Variants in CD36 observed in about 807,000 individuals in gnomAD.
The protein encoded by CD36 is CD36 molecule (CD36 blood group).
CD36 carries 119 observed loss-of-function variants against 55.2 expected under a neutral mutation model. That is an observed-to-expected ratio of 2.15 (90% CI 1.86 to 2.51). The LOEUF (loss-of-function observed/expected upper bound fraction) is 2.51, where lower values mean the gene tolerates loss of function less well. Among genes scored for constraint, CD36 ranks in the 30% most tolerant of loss-of-function variants. The pLI, the probability that CD36 is intolerant of heterozygous loss-of-function variation, is 0.00. For synonymous variants in CD36, 186 were observed against 193.6 expected (o/e 0.96, Z 0.33); for missense variants, 819 against 555.5 (o/e 1.47, Z -4.77).
At chr7:80,654,909 A>G (rs1216876331) in intron 3 of CD36, among the ~76,000 whole-genome samples, 2 of 150,322 alleles carry the variant, frequency 1.3e-5, no homozygotes, top group African/African-American at 4.9e-5. Flanking sequence ...CAGTCATAGC[A>G]TGGTGTAAAG....
At chr7:80,639,362 T>C (rs553511842) in intron 1 of CD36, among the ~76,000 whole-genome samples, 3 of 152,132 alleles carry the variant, frequency 2.0e-5, no homozygotes, top group African/African-American at 7.2e-5. Flanking sequence ...CAAAGTATAT[T>C]ACTTTTAAAT....
intron 3 of CD36, chr7:80,647,236 G>C (rs1427276644): frequency 3.8e-6 from 1 of 266,562 alleles, no homozygotes; most frequent in Non-Finnish European, 7.4e-6. Flanking sequence ...TTGCACTTTA[G>C]TTAATACTGA....
chr7:80,647,502 C>A (rs1424889124), intron 3 of CD36, among the ~76,000 whole-genome samples: 1 of 152,036 alleles, frequency 6.6e-6, no homozygotes. Context: ...TGTGAAAAAA[C>A]AGAATGATTG....
At chr7:80,672,108 C>T in intron 11 of CD36, 68 bp downstream of exon 11, 1 of 1,226,086 alleles carries the variant, frequency 8.2e-7, no homozygotes, top group Non-Finnish European at 1.2e-6. Flanking sequence ...TAAAAATAAT[C>T]TTGTCGATGA....
At chr7:80,651,390 A>G (rs1278768742) in intron 3 of CD36, among the ~76,000 whole-genome samples, 1 of 152,150 alleles carries the variant, frequency 6.6e-6, no homozygotes, top group African/African-American at 2.4e-5. Context: ...ACCCTAAAAT[A>G]AAAGTTGGAA....
At chr7:80,628,825 G>C (rs1793898347) in intron 1 of CD36, among the ~76,000 whole-genome samples, 1 of 152,144 alleles carries the variant, frequency 6.6e-6, no homozygotes, top group African/African-American at 2.4e-5. Context: ...AGTCTGGAAA[G>C]GTGAGACAAC....
intron 3 of CD36, among the ~76,000 whole-genome samples, chr7:80,655,864 G>A (rs1437526582): frequency 6.6e-6 from 1 of 151,214 alleles, no homozygotes; most frequent in African/African-American, 2.4e-5. Context: ...AAGGCTGCAA[G>A]GAGCCAAGAT....
At chr7:80,653,245 T>C (rs985730530) in intron 3 of CD36, among the ~76,000 whole-genome samples, 1 of 152,220 alleles carries the variant, frequency 6.6e-6, no homozygotes, top group African/African-American at 2.4e-5. Context: ...GGTAGAAATG[T>C]GTAAAGTCCT....
intron 1 of CD36, among the ~76,000 whole-genome samples, chr7:80,617,712 G>A (rs1363085986): frequency 7.6e-6 from 1 of 132,128 alleles, no homozygotes. Flanking sequence ...GAACGACAGA[G>A]CGAGACTGTG....
At chr7:80,672,726 A>C (rs1412734255) in intron 11 of CD36, 44 bp from the exon 12 acceptor site, 1 of 1,320,850 alleles carries the variant, frequency 7.6e-7, no homozygotes, top group Non-Finnish European at 1.1e-6. Flanking sequence ...AGTATAAAAT[A>C]ATGTTTTTAA....
chr7:80,633,672 C>T (rs1794219382), upstream of CD36, among the ~76,000 whole-genome samples: 1 of 151,958 alleles, frequency 6.6e-6, no homozygotes, highest in Admixed American at 6.6e-5. Context: ...TACTTTAATA[C>T]TTCTATAAGT....
rs144805319 is a variant in CD36, at chr7:80,652,775, AG to A, written c.121-3764del. Among the ~76,000 whole-genome samples the A allele has an allele frequency of 8.3e-3, 1,266 of 152,316 alleles. 55 individuals are homozygous for A. In the East Asian group the frequency reaches 0.1, roughly 12 times the overall value. The stretch of plus-strand genomic sequence containing the variant: ...CCAAGCAATTAAAGCAGAATGGAGA[AG>A]TAAATGGTATTAGAGTTCTTCCTCT... On this transcript the variant is annotated intron_variant, in intron 3 of 14. Transcript: ENST00000447544.
At chr7:80,604,157 A>G (rs1042958485) in intron 1 of CD36, among the ~76,000 whole-genome samples, 3 of 152,034 alleles carry the variant, frequency 2.0e-5, no homozygotes, top group African/African-American at 7.2e-5. Flanking sequence ...TTGGGTTTCC[A>G]TATCATGTGA....
chr7:80,649,457 C>G (rs3212000), intron 3 of CD36, among the ~76,000 whole-genome samples: 2,938 of 149,488 alleles, frequency 0.02, 63 homozygotes, highest in Non-Finnish European at 0.029. Context: ...CATTATATAA[C>G]AAAAGGCACA....
intron 1 of CD36, among the ~76,000 whole-genome samples, chr7:80,630,861 T>C (rs1794036405): frequency 6.6e-6 from 1 of 152,048 alleles, no homozygotes; most frequent in Admixed American, 6.6e-5. Context: ...GTATTCACTC[T>C]GAACACGAAA....
chr7:80,664,390 C>T lies in CD36; in HGVS notation c.610-16C>T. ...ATGACTTGTAGAAGTAACATTTTCCCATACATATATTTCAGTACAACAATA... is the reference window on the plus strand; with the variant it reads ...ATGACTTGTAGAAGTAACATTTTCCTATACATATATTTCAGTACAACAATA... On this transcript the variant is annotated splice_polypyrimidine_tract_variant and intron_variant, in intron 6 of 14. Transcript: ENST00000447544. The T allele has an allele frequency of 7.7e-7, 1 of 1,306,400 alleles. No individual in the cohort carries two copies. Among genetic ancestry groups the T allele is most frequent in the Non-Finnish European group, 1.1e-6 (1 of 899,614 alleles). The allele number at this position is 1,306,400 out of a possible 1,614,324, so 80.9% of individuals were successfully genotyped here. A position where few individuals can be genotyped will look rare whatever the true frequency, so the allele number is the denominator to read the frequency against.
At chr7:80,603,154 C>G (rs376488691) in intron 1 of CD36, among the ~76,000 whole-genome samples, 4 of 151,874 alleles carry the variant, frequency 2.6e-5, no homozygotes, top group Non-Finnish European at 5.9e-5. Flanking sequence ...CAGACAACAC[C>G]GCCAGGAATG....
At chr7:80,667,738 T>G (rs1214156161) in intron 8 of CD36, among the ~76,000 whole-genome samples, 1 of 130,244 alleles carries the variant, frequency 7.7e-6, no homozygotes, top group Non-Finnish European at 1.7e-5. Context: ...TTTGCAGGGG[T>G]TTTCTTTTGT....
In CD36 at chr7:80,661,186, C is replaced by A; in HGVS notation, c.405C>A (p.Phe135Leu). The A allele has an allele frequency of 6.2e-7, 1 of 1,613,950 alleles. No homozygotes were observed. Among genetic ancestry groups the A allele is most frequent in the Non-Finnish European group, 8.5e-7 (1 of 1,179,864 alleles). Residue 135 changes from phenylalanine (F) to leucine (L), a missense_variant, in exon 5 of 15, where the codon TTC becomes TTA. Physicochemically the swap from Phe to Leu is conservative, Grantham distance 22 (BLOSUM62 0). Transcript: ENST00000447544. ...CAGTTGGAACAGAGGCTGACAACTT[C>A]ACAGTTCTCAATCTGGCTGTGGCAG... ...SLSVGTEADN[F>L]TVLNLAVAAA...
Sources: gnomAD v4.1 joint callset for allele counts (sites outside exome capture counted in the v4.1 genomes callset) on GRCh38, gnomAD v4.1.1 for gene constraint, MANE v1.5 for transcripts, NCBI Gene and HGNC (gene_info 2026-07-23, HGNC 2026-07-21) for gene names.